Variants in HCN4 observed in about 807,000 individuals in gnomAD.
HCN4 encodes the protein potassium/sodium hyperpolarization-activated cyclic nucleotide-gated channel 4.
In HCN4, 29 loss-of-function variants were observed where a neutral mutation model predicts 76.9. The ratio of observed to expected loss-of-function variants is 0.38; its 90% CI spans 0.28 to 0.51. The LOEUF (loss-of-function observed/expected upper bound fraction) is 0.51. Ranked by LOEUF, HCN4 falls within the 20% of genes least tolerant of loss-of-function variation. The probability of loss-of-function intolerance (pLI) is 0.90; values close to 1 mark genes in which losing one functional copy is unlikely to be tolerated. For missense variants in HCN4, 1,416 were observed against 1,715.2 expected (o/e 0.83, Z 3.08); for synonymous variants, 772 against 762.5 (o/e 1.01, Z -0.21).
intron 1 of HCN4, among the ~76,000 whole-genome samples, chr15:73,359,121 T>G (rs1270854863): frequency 6.6e-6 from 1 of 152,202 alleles, no homozygotes; most frequent in Non-Finnish European, 1.5e-5. Context: ...CACAAAATCA[T>G]CAGCAGCCAA....
chr15:73,322,243 T>TCCCCCCCC lies in HCN4; in HGVS notation c.*237_*238insGGGGGGGG. ...TTGCATTTGGGACCTGCCTGCTCCCTCCTCCCTCCCCCTCCCTCCCTCTAG... is the reference window on the plus strand; with the variant it reads ...TTGCATTTGGGACCTGCCTGCTCCCTCCCCCCCCCCTCCCTCCCCCTCCCTCCCTCTAG... On this transcript the variant is annotated 3_prime_UTR_variant, in exon 8 of 8. Coordinates refer to ENST00000261917, the MANE Select transcript of HCN4 (RefSeq NM_005477.3). The TCCCCCCCC allele has an allele frequency of 3.1e-6, 1 of 317,630 alleles. No individual in the cohort carries two copies. The highest frequency in any genetic ancestry group is 2.6e-5 in the South Asian group (1 of 38,918). The allele number at this position is 317,630 out of a possible 1,614,324, so 19.7% of individuals were successfully genotyped here.
chr15:73,352,180 G>A (rs2043057870), intron 1 of HCN4, among the ~76,000 whole-genome samples: 1 of 152,202 alleles, frequency 6.6e-6, no homozygotes, highest in Non-Finnish European at 1.5e-5. Context: ...TCATAAATAC[G>A]TGAATGGGTG....
intron 2 of HCN4, among the ~76,000 whole-genome samples, chr15:73,333,554 G>A (rs488156): frequency 0.5 from 75,240 of 151,988 alleles, 18,869 homozygotes; most frequent in East Asian, 0.55. Flanking sequence ...CCGAAGATGA[G>A]TACTTTTTGT....
intron 1 of HCN4, among the ~76,000 whole-genome samples, chr15:73,357,362 C>T (rs1443002918): frequency 1.3e-5 from 2 of 152,128 alleles, no homozygotes; most frequent in Non-Finnish European, 2.9e-5. Context: ...CTCTGGGACA[C>T]GTTGAACGGC....
chr15:73,365,357 G>A (rs1340988937), intron 1 of HCN4, among the ~76,000 whole-genome samples: 1 of 152,200 alleles, frequency 6.6e-6, no homozygotes, highest in African/African-American at 2.4e-5. Flanking sequence ...AAGAGGACGT[G>A]CCACTTGCAG....
At chr15:73,363,760 A>ATCAC (rs1226579476) in intron 1 of HCN4, among the ~76,000 whole-genome samples, 1 of 152,206 alleles carries the variant, frequency 6.6e-6, no homozygotes, top group African/African-American at 2.4e-5. Context: ...TCACAACAGC[A>ATCAC]TCACGGCTCC....
rs142989707 is a variant in HCN4 at position 73,324,004 on chromosome 15, T to C, written c.2144-55A>G. 2,912 of 1,611,744 alleles carry C rather than the reference T, an allele frequency of 1.8e-3. 46 individuals carry two copies. In the African/African-American group the frequency reaches 0.035, roughly 19 times the overall value. On this transcript the variant is annotated intron_variant, in intron 7 of 7. Transcript: ENST00000261917. ...GGGCAGAGCGGGGAAGGAGATCAGG[T>C]GCAGACCTGGCTTAGGCATAAAGGA... is the stretch of plus-strand genomic sequence containing the variant.
intron 1 of HCN4, among the ~76,000 whole-genome samples, chr15:73,361,921 C>T (rs1319037208): frequency 1.3e-5 from 2 of 152,224 alleles, no homozygotes; most frequent in African/African-American, 2.4e-5. Context: ...GCGCTCATAC[C>T]GACATCTGCT....
rs141476872 is a variant in HCN4, at chr15:73,366,422, G to A, written c.785+1064C>T. 3.9e-3 allele frequency among the ~76,000 whole-genome samples: 595 copies of A among 152,284 alleles called. 8 individuals carry two copies. Among genetic ancestry groups the A allele is most frequent in the African/African-American group, 0.013 (559 of 41,564 alleles). Reference sequence around the variant, plus strand: ...GTAGGCGGCAGGGCCCAGAGAAAGAGAGAATGAGAGAATTAAACCCAGCTT... The same window carrying A: ...GTAGGCGGCAGGGCCCAGAGAAAGAAAGAATGAGAGAATTAAACCCAGCTT... On this transcript the variant is annotated intron_variant, in intron 1 of 7. Coordinates refer to ENST00000261917, the MANE Select transcript of HCN4 (RefSeq NM_005477.3).
chr15:73,324,437 C>G (rs974646165), intron 6 of HCN4, among the ~76,000 whole-genome samples, 184 bp from the exon 7 acceptor site: 43 of 152,258 alleles, frequency 2.8e-4, no homozygotes, highest in African/African-American at 9.4e-4. Flanking sequence ...GACAGACTTT[C>G]CCATCTTTGG....
At chr15:73,344,963 CA>C (rs1462310852) in intron 1 of HCN4, among the ~76,000 whole-genome samples, 2 of 152,222 alleles carry the variant, frequency 1.3e-5, no homozygotes, top group African/African-American at 4.8e-5. Context: ...GACATTTACA[CA>C]ATAACAGATA....
intron 1 of HCN4, among the ~76,000 whole-genome samples, chr15:73,357,434 G>T (rs995561888): frequency 6.6e-6 from 1 of 151,984 alleles, no homozygotes; most frequent in Admixed American, 6.6e-5. Context: ...TGTCCCACAG[G>T]GCCCCTCCAC....
At chr15:73,337,768 CA>C (rs1441531993) in intron 2 of HCN4, among the ~76,000 whole-genome samples, 1 of 152,022 alleles carries the variant, frequency 6.6e-6, no homozygotes, top group Non-Finnish European at 1.5e-5. Context: ...AGTGGAAGAA[CA>C]AAAAGGTACC....
At position 73,325,162 on chromosome 15, in the gene HCN4, C is replaced by A. The variant is rs2042891361; in HGVS notation, c.1771G>T (p.Ala591Ser). The A allele has an allele frequency of 1.2e-6, 2 of 1,614,076 alleles. No individual in the cohort carries two copies. The highest frequency in any genetic ancestry group is 1.7e-5 in the Admixed American group (1 of 60,010). The change falls in exon 6 of 8, where the codon GCC becomes TCC. Residue 591 changes from alanine to serine, a missense_variant. By Grantham distance (99) the Ala-to-Ser change is moderately conservative. Around this residue, in one of 6 missense-constraint regions of HCN4, gnomAD observed 241 missense variants for 379.4 expected, o/e 0.64. Coordinates refer to ENST00000261917, the MANE Select transcript of HCN4 (RefSeq NM_005477.3). The surrounding 1 kb of genome is among the most constrained non-coding windows in gnomAD (Gnocchi z 7.4). ...IINFNCRKLV[A>S]SMPLFANADP... ...GCATTGGCAAACAGTGGCATGGAGG[C>A]CACCAGCTTCCGACAGTTAAAGTTG...
Position 73,324,938 on chromosome 15 carries a change from G to T in HCN4, c.1978+17C>A. The T allele has an allele frequency of 6.2e-7, 1 of 1,613,614 alleles. No homozygotes were observed. The highest frequency in any genetic ancestry group is 8.5e-7 in the Non-Finnish European group (1 of 1,179,950). ...GGGAGCAGCTGCCCTGTCCCCCAGG[G>T]CCCAGGGCTGCCTCACCTCCAAAGT... On this transcript the variant is annotated intron_variant, in intron 6 of 7. Transcript: ENST00000261917.
intron 1 of HCN4, among the ~76,000 whole-genome samples, chr15:73,363,256 C>T (rs1210557499): frequency 6.6e-6 from 1 of 152,234 alleles, no homozygotes; most frequent in East Asian, 1.9e-4. Flanking sequence ...TCCTCCTTGC[C>T]ACCTCCTGCC....
At chr15:73,326,232 C>G (rs562537234) in intron 4 of HCN4, among the ~76,000 whole-genome samples, 42 of 152,146 alleles carry the variant, frequency 2.8e-4, no homozygotes, top group Middle Eastern at 3.4e-3. Flanking sequence ...AGACTCCTCC[C>G]GGATGGGAAG....
chr15:73,323,235 C>T lies in HCN4; in HGVS notation c.2858G>A (p.Gly953Glu), dbSNP rs1555475226. 1 of 1,526,614 alleles carries T rather than the reference C, an allele frequency of 6.6e-7. No homozygotes were observed. The allele number at this position is 1,526,614 out of a possible 1,614,324, so 94.6% of individuals were successfully genotyped here. A position where few individuals can be genotyped will look rare whatever the true frequency, so the allele number is the denominator to read the frequency against. ...PAPPGARGGL[G>E]LPEHFLPPPP... ...GGGTGGCAGGAAGTGCTCCGGGAGT[C>T]CCAGGCCTCCCCGGGCCCCGGGTGG... The change falls in exon 8 of 8, where the codon GGA becomes GAA. Residue 953 changes from glycine to glutamate, a missense_variant. Gly to Glu is a moderately conservative substitution (Grantham distance 98). Coordinates refer to ENST00000261917, the MANE Select transcript of HCN4 (RefSeq NM_005477.3).
chr15:73,322,311 T>G lies in HCN4; in HGVS notation c.*170A>C, dbSNP rs1309583307. 8 of 499,982 alleles carry G rather than the reference T, an allele frequency of 1.6e-5. No homozygotes were observed. The East Asian group carries it at 4.1e-4, about 26-fold the overall frequency. The allele number at this position is 499,982 out of a possible 1,614,324, so 31.0% of individuals were successfully genotyped here. Reference sequence around the variant, plus strand: ...GTCTATAAAAGCAAGTGACCAAAAATCTATAGCTCTAAGAATACCTGGTTA... The same window carrying G: ...GTCTATAAAAGCAAGTGACCAAAAAGCTATAGCTCTAAGAATACCTGGTTA... On this transcript the variant is annotated 3_prime_UTR_variant, in exon 8 of 8. Coordinates refer to ENST00000261917, the MANE Select transcript of HCN4 (RefSeq NM_005477.3).
Sources: allele counts gnomAD v4.1 joint callset (sites outside exome capture counted in the v4.1 genomes callset), GRCh38; gene constraint gnomAD v4.1.1; regional missense constraint gnomAD v4.1.1; non-coding constraint Gnocchi (gnomAD v3.1); transcripts MANE v1.5; gene names NCBI Gene and HGNC (gene_info 2026-07-23, HGNC 2026-07-21).